ANTXR1: variants seen among roughly 807,000 people sequenced by gnomAD.
The protein encoded by ANTXR1 is anthrax toxin receptor 1.
Under a neutral mutation model 78.1 loss-of-function variants are expected in ANTXR1, and 19 were observed. That is an observed-to-expected ratio of 0.24 (90% CI 0.17 to 0.36). The LOEUF (loss-of-function observed/expected upper bound fraction) is 0.36, where lower values mean the gene tolerates loss of function less well. Ranked by LOEUF, ANTXR1 falls within the 10% of genes least tolerant of loss-of-function variation. The pLI is 1.00. For synonymous variants in ANTXR1, 273 were observed against 260.5 expected, an observed-to-expected ratio of 1.05 and a Z score of -0.46; for missense variants, 518 against 718.6, an observed-to-expected ratio of 0.72 and a Z score of 3.19.
At chr2:69,213,701 C>G in intron 17 of ANTXR1, among the ~76,000 whole-genome samples, 1 of 152,246 alleles carries the variant, frequency 6.6e-6, no homozygotes, top group East Asian at 1.9e-4. Context: ...CTCTAACACA[C>G]TGTTAAATGC....
chr2:69,245,507 GCT>G lies in ANTXR1; in HGVS notation c.*28_*29del, dbSNP rs755310982. On this transcript the variant is annotated 3_prime_UTR_variant, in exon 18 of 18. Transcript: ENST00000303714. ...CTAGAGCCCAAAGTTCCTGCTCTGG[GCT>G]CTCTCAGAAACTTCAGGAGATGTTA... is the stretch of plus-strand genomic sequence containing the variant. 5.0e-5 allele frequency: 81 copies of G among 1,613,052 alleles called. No individual in the cohort carries two copies. In the East Asian group the frequency reaches 7.4e-4, roughly 15 times the overall value.
intron 1 of ANTXR1, among the ~76,000 whole-genome samples, chr2:69,021,040 G>T (rs1671174277): frequency 6.6e-6 from 1 of 152,216 alleles, no homozygotes; most frequent in Non-Finnish European, 1.5e-5. Flanking sequence ...CTTCAGTGAG[G>T]ATTTGGGAAA....
intron 12 of ANTXR1, among the ~76,000 whole-genome samples, chr2:69,146,641 C>A (rs1466673062): frequency 2.6e-5 from 4 of 152,254 alleles, no homozygotes; most frequent in Non-Finnish European, 5.9e-5. Context: ...CAGGTCCCCA[C>A]TCCAGATTCC....
intron 15 of ANTXR1, 90 bp from the exon 16 acceptor site, chr2:69,182,403 A>G (rs1204612205): frequency 6.8e-7 from 1 of 1,476,610 alleles, no homozygotes; most frequent in African/African-American, 1.4e-5. Context: ...GGTAGCATTC[A>G]CATTGCAACT....
At chr2:69,051,169 C>G (rs912746990) in intron 3 of ANTXR1, among the ~76,000 whole-genome samples, 38 of 151,828 alleles carry the variant, frequency 2.5e-4, no homozygotes, top group African/African-American at 8.9e-4. Flanking sequence ...ACCTGTAATC[C>G]CACCTACTTG....
chr2:69,226,460 G>T (rs534099307), intron 17 of ANTXR1, among the ~76,000 whole-genome samples: 12 of 152,250 alleles, frequency 7.9e-5, no homozygotes, highest in African/African-American at 2.4e-4. Flanking sequence ...AGTTCCAAAG[G>T]CCTCATCAAG....
chr2:69,139,987 A>T (rs1239414909), intron 12 of ANTXR1, among the ~76,000 whole-genome samples: 4 of 152,228 alleles, frequency 2.6e-5, no homozygotes, highest in African/African-American at 9.6e-5. Flanking sequence ...AAGTACTAAC[A>T]AGCTACATCT....
At chr2:69,125,922 C>A (rs1332106774) in intron 12 of ANTXR1, among the ~76,000 whole-genome samples, 1 of 152,104 alleles carries the variant, frequency 6.6e-6, no homozygotes, top group Non-Finnish European at 1.5e-5. Context: ...GTTTCTTTAA[C>A]TGAATACATT....
chr2:69,074,936 C>T (rs1670683288), intron 6 of ANTXR1, among the ~76,000 whole-genome samples: 1 of 152,076 alleles, frequency 6.6e-6, no homozygotes, highest in Admixed American at 6.6e-5. Context: ...GAAGTTGAGC[C>T]AAAATCTGGG....
intron 12 of ANTXR1, among the ~76,000 whole-genome samples, chr2:69,134,550 G>A (rs1672857169): frequency 6.6e-6 from 1 of 152,200 alleles, no homozygotes; most frequent in East Asian, 1.9e-4. Context: ...GTGGGGATTG[G>A]AATAGAAAAG....
intron 14 of ANTXR1, 126 bp downstream of exon 14, chr2:69,170,415 T>C (rs781163202): frequency 1.8e-6 from 2 of 1,091,124 alleles, no homozygotes; most frequent in African/African-American, 1.6e-5. Context: ...GGATTTAATG[T>C]ACCTGCCTGT....
intron 1 of ANTXR1, among the ~76,000 whole-genome samples, chr2:69,026,208 CTT>C (rs1220238925): frequency 6.6e-6 from 1 of 152,214 alleles, no homozygotes; most frequent in East Asian, 1.9e-4. Flanking sequence ...CCCAGAAAGA[CTT>C]TATGAGCATA....
In ANTXR1 at chr2:69,170,272, C is replaced by G. The variant is rs1468067247; in HGVS notation, c.1072C>G (p.Pro358Ala). 1.2e-6 allele frequency: 2 copies of G among 1,614,144 alleles called. No individual in the cohort carries two copies. Among genetic ancestry groups the G allele is most frequent in the Middle Eastern group, 1.7e-4 (1 of 6,026 alleles). Residue 358 changes from proline to alanine, a missense_variant, in exon 14 of 18, where the codon CCT becomes GCT. By Grantham distance (27) the Pro-to-Ala change is conservative (BLOSUM62 -1). Around this residue, in one of 5 missense-constraint regions of ANTXR1, gnomAD observed 264 missense variants for 391.8 expected, o/e 0.67. Transcript: ENST00000303714. ...TVIIKEVPPP[P>A]AEESEEEDDD... ...GATTATCAAGGAGGTCCCTCCACCCCCTGCCGAGGAGAGTGAGGTAAGTGA... is the reference window on the plus strand; with the variant it reads ...GATTATCAAGGAGGTCCCTCCACCCGCTGCCGAGGAGAGTGAGGTAAGTGA...
chr2:69,109,618 A>C (rs1370569671), intron 10 of ANTXR1, among the ~76,000 whole-genome samples: 3 of 151,768 alleles, frequency 2.0e-5, no homozygotes, highest in Non-Finnish European at 2.9e-5. Flanking sequence ...TATTCAAAAA[A>C]TGATGTTGAG....
At chr2:69,114,389 G>T (rs1420446773) in intron 10 of ANTXR1, among the ~76,000 whole-genome samples, 3 of 152,210 alleles carry the variant, frequency 2.0e-5, no homozygotes, top group East Asian at 3.8e-4. Flanking sequence ...TCACAACCTT[G>T]TGCAGAACTT....
At chr2:69,181,125 T>G (rs1384631656) in intron 14 of ANTXR1, among the ~76,000 whole-genome samples, 1 of 152,142 alleles carries the variant, frequency 6.6e-6, no homozygotes, top group Non-Finnish European at 1.5e-5. Context: ...GGAGAACAGA[T>G]CATAGGTGAG....
chr2:69,212,836 T>A (rs947656765), intron 17 of ANTXR1, among the ~76,000 whole-genome samples: 2 of 151,884 alleles, frequency 1.3e-5, no homozygotes, highest in African/African-American at 4.8e-5. Flanking sequence ...TAACATGGGG[T>A]CTCACTATAT....
intron 10 of ANTXR1, chr2:69,103,468 C>T (rs963790484): frequency 1.7e-5 from 3 of 172,684 alleles, no homozygotes; most frequent in Admixed American, 5.4e-5. Flanking sequence ...CAGCTTTTTT[C>T]AATCTGGATG....
In ANTXR1 at chr2:69,182,981, A is replaced by T. The variant is rs1449172213; in HGVS notation, c.1353+321A>T. 4 of 49,690 alleles carry T rather than the reference A, an allele frequency of 8.0e-5. No homozygotes were observed. In the African/African-American group the frequency reaches 1.2e-3, roughly 15 times the overall value. 3.1% of individuals were successfully genotyped at this position (49,690 alleles called of 1,614,324 possible). ...GCAAATTCGTGAAGTGTTCCATATT[A>T]AAAAAAAAAAAAAAATCACCATGGC... On this transcript the variant is annotated intron_variant, in intron 16 of 17. Transcript: ENST00000303714.
Sources: allele counts gnomAD v4.1 joint callset (sites outside exome capture counted in the v4.1 genomes callset), GRCh38; gene constraint gnomAD v4.1.1; regional missense constraint gnomAD v4.1.1; transcripts MANE v1.5; gene names NCBI Gene and HGNC (gene_info 2026-07-23, HGNC 2026-07-21).